TDRD3: variants seen among roughly 807,000 people sequenced by gnomAD.
The protein encoded by TDRD3 is tudor domain containing 3, also known as tudor domain-containing protein 3.
Under a neutral mutation model 86.7 loss-of-function variants are expected in TDRD3, and 45 were observed. The ratio of observed to expected loss-of-function variants is 0.52; its 90% CI spans 0.41 to 0.67. TDRD3 has a LOEUF of 0.67. Among genes scored for constraint, TDRD3 ranks in the 30% least tolerant of loss-of-function variants. The pLI is 0.00. For missense variants in TDRD3, 814 were observed against 889.0 expected (o/e 0.92, Z 1.07); for synonymous variants, 298 against 301.7 (o/e 0.99, Z 0.13).
intron 1 of TDRD3, among the ~76,000 whole-genome samples, chr13:60,437,078 T>G (rs1423434888): frequency 1.3e-5 from 2 of 151,764 alleles, no homozygotes; most frequent in East Asian, 1.9e-4. Flanking sequence ...TTAATGAGAT[T>G]ATCATATCAC....
chr13:60,488,237 G>T (rs1330546237), intron 7 of TDRD3, among the ~76,000 whole-genome samples: 1 of 152,148 alleles, frequency 6.6e-6, no homozygotes, highest in African/African-American at 2.4e-5. Flanking sequence ...ACTAAGGAGG[G>T]GTAAGGAAGC....
intron 11 of TDRD3, among the ~76,000 whole-genome samples, chr13:60,529,743 G>A (rs983202896): frequency 3.9e-5 from 6 of 152,004 alleles, no homozygotes; most frequent in Non-Finnish European, 7.4e-5. Flanking sequence ...AAGATCGAGT[G>A]TAAAAATTAT....
intron 10 of TDRD3, among the ~76,000 whole-genome samples, chr13:60,513,507 A>G (rs1385169357): frequency 1.3e-5 from 2 of 152,130 alleles, no homozygotes; most frequent in Admixed American, 1.3e-4. Context: ...CTTTTATGCT[A>G]TATTTTCCCA....
chr13:60,533,505 G>A (rs2137807062), intron 11 of TDRD3, among the ~76,000 whole-genome samples: 1 of 152,194 alleles, frequency 6.6e-6, no homozygotes, highest in Non-Finnish European at 1.5e-5. Flanking sequence ...GCCAGGTGTA[G>A]TAGCACGTGC....
At chr13:60,478,995 C>T (rs1566227194) in intron 5 of TDRD3, among the ~76,000 whole-genome samples, 1 of 151,394 alleles carries the variant, frequency 6.6e-6, no homozygotes, top group African/African-American at 2.4e-5. Flanking sequence ...TTTTAGTAGA[C>T]AGGGTGTCAC....
At chr13:60,564,036 T>C (rs1958395916) in intron 12 of TDRD3, among the ~76,000 whole-genome samples, 1 of 152,268 alleles carries the variant, frequency 6.6e-6, no homozygotes, top group Non-Finnish European at 1.5e-5. Context: ...CAATGATTAT[T>C]GCGGTTTTGT....
intron 10 of TDRD3, among the ~76,000 whole-genome samples, chr13:60,528,143 T>G (rs903569348): frequency 5.3e-5 from 8 of 152,132 alleles, no homozygotes; most frequent in Admixed American, 5.2e-4. Flanking sequence ...TGTGGTCCCT[T>G]TTACTACTTT....
chr13:60,541,230 C>T (rs186181663), intron 12 of TDRD3, among the ~76,000 whole-genome samples: 107 of 151,394 alleles, frequency 7.1e-4, no homozygotes, highest in African/African-American at 2.4e-3. Flanking sequence ...GGCAATGGCA[C>T]GATCTTGGCT....
intron 2 of TDRD3, 68 bp downstream of exon 2, chr13:60,439,840 G>C: frequency 9.2e-7 from 1 of 1,084,984 alleles, no homozygotes; most frequent in Non-Finnish European, 1.3e-6. Flanking sequence ...AAGTCTCAGA[G>C]TAAATTGGGT....
At chr13:60,435,494 C>T (rs1489160041) in intron 1 of TDRD3, among the ~76,000 whole-genome samples, 1 of 152,154 alleles carries the variant, frequency 6.6e-6, no homozygotes, top group Non-Finnish European at 1.5e-5. Flanking sequence ...TGCCTTAGCT[C>T]CCACTTACAA....
At chr13:60,535,055 C>T in intron 11 of TDRD3, 53 bp from the exon 12 acceptor site, 1 of 1,590,406 alleles carries the variant, frequency 6.3e-7, no homozygotes, top group South Asian at 1.1e-5. Context: ...TCAAATATTG[C>T]CCTTTATAGA....
At chr13:60,559,395 A>G (rs1052593219) in intron 12 of TDRD3, among the ~76,000 whole-genome samples, 17 of 152,154 alleles carry the variant, frequency 1.1e-4, no homozygotes, top group Non-Finnish European at 2.2e-4. Context: ...TTGGAACAGA[A>G]ATATGTTCCC....
At chr13:60,471,796 T>C (rs144612384) in intron 5 of TDRD3, among the ~76,000 whole-genome samples, 27 of 152,288 alleles carry the variant, frequency 1.8e-4, no homozygotes, top group Non-Finnish European at 2.9e-4. Context: ...TTTCTACATA[T>C]AAGATCACGT....
intron 1 of TDRD3, among the ~76,000 whole-genome samples, chr13:60,409,591 C>A (rs1954310868): frequency 6.6e-6 from 1 of 152,150 alleles, no homozygotes; most frequent in Admixed American, 6.5e-5. Flanking sequence ...TTGACTGTCC[C>A]ACTAGATTTC....
chr13:60,567,754 A>C (rs926661172), intron 13 of TDRD3, 104 bp downstream of exon 13: 1 of 1,446,628 alleles, frequency 6.9e-7, no homozygotes, highest in African/African-American at 1.4e-5. Context: ...ACGAAGTTTC[A>C]CTCTTGTTGC....
At chr13:60,490,729 G>A (rs1956568175) in intron 7 of TDRD3, among the ~76,000 whole-genome samples, 1 of 152,156 alleles carries the variant, frequency 6.6e-6, no homozygotes. Context: ...CATAGCAGTT[G>A]TGTAGGTAGT....
At chr13:60,410,819 TA>T (rs930120858) in intron 1 of TDRD3, among the ~76,000 whole-genome samples, 6 of 152,194 alleles carry the variant, frequency 3.9e-5, no homozygotes, top group African/African-American at 1.4e-4. Context: ...TTGTTGCTGA[TA>T]AATTTTTTGA....
At chr13:60,456,190 G>C (rs1955666234) in intron 3 of TDRD3, among the ~76,000 whole-genome samples, 1 of 151,664 alleles carries the variant, frequency 6.6e-6, no homozygotes, top group African/African-American at 2.4e-5. Flanking sequence ...TGATTATACT[G>C]TAGAGAATTA....
At chr13:60,533,781 A>G (rs912486202) in intron 11 of TDRD3, among the ~76,000 whole-genome samples, 2 of 152,178 alleles carry the variant, frequency 1.3e-5, no homozygotes. Flanking sequence ...CAGACCTACA[A>G]TTTCTGTCCT....
Sources: gnomAD v4.1 joint callset for allele counts (sites outside exome capture counted in the v4.1 genomes callset) on GRCh38, gnomAD v4.1.1 for gene constraint, MANE v1.5 for transcripts, NCBI Gene and HGNC (gene_info 2026-07-23, HGNC 2026-07-21) for gene names.